AGAP1: variants seen among roughly 807,000 people sequenced by gnomAD.
AGAP1 encodes the protein ArfGAP with GTPase domain, ankyrin repeat and PH domain 1.
A neutral mutation model predicts 105.3 loss-of-function variants in AGAP1; 29 were observed. That is an observed-to-expected ratio of 0.28 (90% CI 0.21 to 0.38). The LOEUF (loss-of-function observed/expected upper bound fraction) is 0.38. AGAP1 is among the 10% of genes least tolerant of loss of function. The pLI, the probability that AGAP1 is intolerant of heterozygous loss-of-function variation, is 1.00. For missense variants in AGAP1, 998 were observed against 1,165.1 expected, an observed-to-expected ratio of 0.86 and a Z score of 2.09; for synonymous variants, 509 against 485.9, an observed-to-expected ratio of 1.05 and a Z score of -0.63.
In AGAP1 at chr2:235,635,310, T is replaced by C. The variant is rs552393845; in HGVS notation, c.164-73869T>C. ...GGTGACTTAGCAGAGGATGAAGCAC[T>C]CCCGTGAGTGAGCTGCGCACAGTCT... On this transcript the variant is annotated intron_variant, in intron 1 of 17. Transcript: ENST00000304032. This position sits in a 1 kb window ranked among gnomAD's most constrained non-coding sequence, Gnocchi z 5.3. 6.6e-6 allele frequency among the ~76,000 whole-genome samples: 1 copy of C among 152,296 alleles called. No homozygotes were observed. The highest frequency in any genetic ancestry group is 2.4e-5 in the African/African-American group (1 of 41,566).
At chr2:235,854,295 A>G (rs1321155101) in intron 9 of AGAP1, among the ~76,000 whole-genome samples, 2 of 152,204 alleles carry the variant, frequency 1.3e-5, no homozygotes, top group East Asian at 3.9e-4. Flanking sequence ...CATGGAGTAG[A>G]CCCCGCTCCT....
intron 1 of AGAP1, among the ~76,000 whole-genome samples, chr2:235,627,505 G>A (rs751241216): frequency 2.1e-4 from 32 of 152,084 alleles, no homozygotes; most frequent in African/African-American, 2.9e-4. Flanking sequence ...GATTACAGGC[G>A]TGAGCCACGG....
At chr2:235,758,304 G>T (rs1451390170) in intron 6 of AGAP1, among the ~76,000 whole-genome samples, 1 of 152,138 alleles carries the variant, frequency 6.6e-6, no homozygotes. Flanking sequence ...ATCACTTGTA[G>T]TAATGACTAA....
At chr2:236,112,861 C>G (rs1164970703) in intron 16 of AGAP1, among the ~76,000 whole-genome samples, 4 of 152,222 alleles carry the variant, frequency 2.6e-5, no homozygotes, top group African/African-American at 9.6e-5. Context: ...GTCCTGAAGG[C>G]GGGGGCCAGA....
intron 1 of AGAP1, among the ~76,000 whole-genome samples, chr2:235,671,698 A>G (rs1310850515): frequency 6.6e-6 from 1 of 152,166 alleles, no homozygotes; most frequent in African/African-American, 2.4e-5. Context: ...CTGGGACTGG[A>G]TTCTGTTTCC....
At position 235,639,858 on chromosome 2, in the gene AGAP1, G is replaced by C. The variant is rs1947132175; in HGVS notation, c.164-69321G>C. Among the ~76,000 whole-genome samples, 1 of 152,124 alleles carries C rather than the reference G, an allele frequency of 6.6e-6. No homozygotes were observed. Among genetic ancestry groups the C allele is most frequent in the Non-Finnish European group, 1.5e-5 (1 of 68,032 alleles). ...TTTGGATTATTTGCAACGTCTTGAG[G>C]GGTCCACGGATTGATAGAGTCAGCA... On this transcript the variant is annotated intron_variant, in intron 1 of 17. Coordinates refer to ENST00000304032, the MANE Select transcript of AGAP1 (RefSeq NM_001037131.3). This position sits in a 1 kb window ranked among gnomAD's most constrained non-coding sequence, Gnocchi z 5.3.
chr2:236,100,475 A>G (rs951396336), intron 16 of AGAP1, among the ~76,000 whole-genome samples: 2 of 152,184 alleles, frequency 1.3e-5, no homozygotes, highest in Non-Finnish European at 2.9e-5. Flanking sequence ...TTAGGGGGGA[A>G]AAACACCTAG....
chr2:235,701,176 TA>T lies in AGAP1; in HGVS notation c.164-8002del, dbSNP rs1193858525. 2.7e-5 allele frequency among the ~76,000 whole-genome samples: 4 copies of T among 150,762 alleles called. No individual in the cohort carries two copies. The highest frequency in any genetic ancestry group is 5.9e-5 in the Non-Finnish European group (4 of 67,800). On this transcript the variant is annotated intron_variant, in intron 1 of 17. Transcript: ENST00000304032. This position sits in a 1 kb window ranked among gnomAD's most constrained non-coding sequence, Gnocchi z 4.1. ...TTAGTGTATATTTTATATATTTATA[TA>T]TATGGGGGGGTGGAAATCACTATCC...
At chr2:235,896,673 G>A (rs2050822339) in intron 10 of AGAP1, among the ~76,000 whole-genome samples, 1 of 152,204 alleles carries the variant, frequency 6.6e-6, no homozygotes, top group Admixed American at 6.5e-5. Flanking sequence ...GGGTGACCTG[G>A]GAAAGAACTT....
rs2149443935 is a variant in AGAP1 at position 235,692,020 on chromosome 2, G to A, written c.164-17159G>A. Among the ~76,000 whole-genome samples the A allele has an allele frequency of 6.6e-6, 1 of 152,332 alleles. No individual in the cohort carries two copies. The highest frequency in any genetic ancestry group is 1.9e-4 in the East Asian group (1 of 5,190). ...ATCTAGTTACTAGTGGTAAGACAGA[G>A]CCAGTTAACAAAGACTATAAAGTTT... is the stretch of plus-strand genomic sequence containing the variant. On this transcript the variant is annotated intron_variant, in intron 1 of 17. Transcript: ENST00000304032. The surrounding 1 kb of genome is among the most constrained non-coding windows in gnomAD (Gnocchi z 5.8).
intron 13 of AGAP1, among the ~76,000 whole-genome samples, chr2:235,978,791 CCCA>C (rs1435521369): frequency 6.6e-6 from 1 of 152,132 alleles, no homozygotes; most frequent in Non-Finnish European, 1.5e-5. Flanking sequence ...CCCACGGCTC[CCCA>C]CCACTGCCCT....
In AGAP1 at chr2:235,793,997, G is replaced by A. The variant is rs559472498; in HGVS notation, c.674-3762G>A. ...GAAACATACATGAAAGTGTATTTGGGCTTAAAAAGTTGTCACAAAATTATC... is the reference window on the plus strand; with the variant it reads ...GAAACATACATGAAAGTGTATTTGGACTTAAAAAGTTGTCACAAAATTATC... On this transcript the variant is annotated intron_variant, in intron 6 of 17. Transcript: ENST00000304032. This position sits in a 1 kb window ranked among gnomAD's most constrained non-coding sequence, Gnocchi z 5.3. Among the ~76,000 whole-genome samples, 1 of 152,034 alleles carries A rather than the reference G, an allele frequency of 6.6e-6. No individual in the cohort carries two copies. Among genetic ancestry groups the A allele is most frequent in the East Asian group, 1.9e-4 (1 of 5,178 alleles).
At chr2:235,590,797 T>C (rs1204183718) in intron 1 of AGAP1, among the ~76,000 whole-genome samples, 1 of 139,622 alleles carries the variant, frequency 7.2e-6, no homozygotes, top group Admixed American at 7.4e-5. Context: ...CTCGGCTCAC[T>C]GCAAGCTCTA....
At chr2:235,494,985 C>A (rs577384486) in intron 1 of AGAP1, 136 bp downstream of exon 1, 2 of 808,344 alleles carry the variant, frequency 2.5e-6, no homozygotes, top group South Asian at 7.1e-5. Flanking sequence ...AGCACTGCGG[C>A]GCTGCTTGTC....
At chr2:235,894,678 T>C (rs1263707145) in intron 10 of AGAP1, among the ~76,000 whole-genome samples, 2 of 152,078 alleles carry the variant, frequency 1.3e-5, no homozygotes, top group African/African-American at 4.8e-5. Context: ...TTTCAACTTG[T>C]AGATTGTGAA....
Position 236,040,479 on chromosome 2 carries a change from T to C in AGAP1, c.1801-272T>C. 1.9e-6 allele frequency: 1 copy of C among 512,828 alleles called. No individual in the cohort carries two copies. Among genetic ancestry groups the C allele is most frequent in the Admixed American group, 3.2e-5 (1 of 31,178 alleles). The allele number at this position is 512,828 out of a possible 1,614,324, so 31.8% of individuals were successfully genotyped here. On this transcript the variant is annotated intron_variant, in intron 14 of 17. Coordinates refer to ENST00000304032, the MANE Select transcript of AGAP1 (RefSeq NM_001037131.3). The surrounding 1 kb of genome is among the most constrained non-coding windows in gnomAD (Gnocchi z 5.6). ...ATGGTCCATGCGTATTCACAGATGA[T>C]CCAGAACTCTCCTCTTTGCTCATTT...
At chr2:235,686,566 C>T (rs1204721709) in intron 1 of AGAP1, among the ~76,000 whole-genome samples, 2 of 106,580 alleles carry the variant, frequency 1.9e-5, no homozygotes, top group African/African-American at 6.0e-5. Flanking sequence ...TACACACACA[C>T]ACACACACAC....
intron 1 of AGAP1, among the ~76,000 whole-genome samples, chr2:235,693,739 A>G (rs1949857701): frequency 6.6e-6 from 1 of 152,194 alleles, no homozygotes; most frequent in Non-Finnish European, 1.5e-5. Flanking sequence ...TTCTCATAGG[A>G]GGATGTAGAA....
intron 1 of AGAP1, among the ~76,000 whole-genome samples, chr2:235,568,326 T>C (rs1944412457): frequency 6.6e-6 from 1 of 152,248 alleles, no homozygotes; most frequent in South Asian, 2.1e-4. Flanking sequence ...GGCTGCCTGC[T>C]GTGGGCCAGG....
Sources: allele counts gnomAD v4.1 joint callset (sites outside exome capture counted in the v4.1 genomes callset), GRCh38; gene constraint gnomAD v4.1.1; non-coding constraint Gnocchi (gnomAD v3.1); transcripts MANE v1.5; gene names NCBI Gene and HGNC (gene_info 2026-07-23, HGNC 2026-07-21).